The following UBE2L6 variants were observed in gnomAD, a reference collection of about 807,000 sequenced individuals.
UBE2L6 encodes ubiquitin conjugating enzyme E2 L6.
A neutral mutation model predicts 13.6 loss-of-function variants in UBE2L6; 11 were observed. The observed-to-expected ratio is 0.81, with a 90% confidence interval of 0.51 to 1.34. The LOEUF is 1.34. Ranked by LOEUF, UBE2L6 falls within the 40% of genes most tolerant of loss-of-function variation. The pLI, the probability that UBE2L6 is intolerant of heterozygous loss-of-function variation, is 0.00. For missense variants in UBE2L6, 197 were observed against 199.5 expected, an observed-to-expected ratio of 0.99 and a Z score of 0.07; for synonymous variants, 74 against 83.2, an observed-to-expected ratio of 0.89 and a Z score of 0.60.
intron 2 of UBE2L6, among the ~76,000 whole-genome samples, chr11:57,555,759 TG>T (rs1944992488): frequency 6.6e-6 from 1 of 152,172 alleles, no homozygotes; most frequent in African/African-American, 2.4e-5. Flanking sequence ...AAAATTTTTT[TG>T]ATAGGGTCTC....
Position 57,558,506 on chromosome 11 carries a change from C to G in UBE2L6, c.123+1831G>C, listed in dbSNP as rs540333258. ...AGTGACCCCAGACCAGTTACTTAAC[C>G]TCCTTGGTTTCCATCTCTGCAATTT... On this transcript the variant is annotated intron_variant, in intron 2 of 3. Coordinates refer to ENST00000287156, the MANE Select transcript of UBE2L6 (RefSeq NM_004223.5). Among the ~76,000 whole-genome samples, 27 of 152,306 alleles carry G rather than the reference C, an allele frequency of 1.8e-4. No homozygotes were observed. In the East Asian group the frequency reaches 5.2e-3, roughly 29 times the overall value.
chr11:57,552,214 C>T lies in UBE2L6; in HGVS notation c.*144G>A. On this transcript the variant is annotated 3_prime_UTR_variant, in exon 4 of 4. Transcript: ENST00000287156. ...ACACTCATAGCTCCCTTCCCTCCAC[C>T]ACACACACACACAAACTAATGACTA... The T allele has an allele frequency of 5.2e-6, 5 of 961,902 alleles. No homozygotes were observed. In the East Asian group the frequency reaches 8.6e-5, roughly 17 times the overall value. 59.6% of individuals were successfully genotyped at this position (961,902 alleles called of 1,614,324 possible).
chr11:57,566,529 G>C (rs569164329), intron 1 of UBE2L6, among the ~76,000 whole-genome samples: 1 of 152,044 alleles, frequency 6.6e-6, no homozygotes, highest in Non-Finnish European at 1.5e-5. Context: ...CATGTAAACC[G>C]TTTGGCATGT....
At position 57,551,982 on chromosome 11, in the gene UBE2L6, C is replaced by T. The variant is rs1432040976; in HGVS notation, c.*376G>A. 1 of 208,428 alleles carries T rather than the reference C, an allele frequency of 4.8e-6. No individual in the cohort carries two copies. Among genetic ancestry groups the T allele is most frequent in the Admixed American group, 5.4e-5 (1 of 18,422 alleles). 12.9% of individuals were successfully genotyped at this position (208,428 alleles called of 1,614,324 possible). A position where few individuals can be genotyped will look rare whatever the true frequency, so the allele number is the denominator to read the frequency against. On this transcript the variant is annotated 3_prime_UTR_variant, in exon 4 of 4. Coordinates refer to ENST00000287156, the MANE Select transcript of UBE2L6 (RefSeq NM_004223.5). ...CTCCACTGTCCCCAGGCCCTCAGTG[C>T]CTGAGCCCTAGGGGGATTCGAGTTG...
intron 2 of UBE2L6, among the ~76,000 whole-genome samples, chr11:57,556,592 CAAAAAAA>C (rs368936864): frequency 3.8e-4 from 28 of 73,690 alleles, no homozygotes; most frequent in East Asian, 1.2e-3. Flanking sequence ...AACTCCGTCT[CAAAAAAA>C]AAAAAAAAAA....
At chr11:57,562,631 G>C (rs1465497694) in intron 1 of UBE2L6, among the ~76,000 whole-genome samples, 1 of 152,224 alleles carries the variant, frequency 6.6e-6, no homozygotes, top group Non-Finnish European at 1.5e-5. Context: ...TCAGCACGGA[G>C]AGTAAGACTC....
At chr11:57,559,173 G>C (rs1391009166) in intron 2 of UBE2L6, among the ~76,000 whole-genome samples, 2 of 152,182 alleles carry the variant, frequency 1.3e-5, no homozygotes, top group Non-Finnish European at 2.9e-5. Context: ...CTCTAAGCCA[G>C]GTAAGTGGAT....
intron 1 of UBE2L6, chr11:57,567,308 GA>G: frequency 1.8e-6 from 1 of 561,344 alleles, no homozygotes; most frequent in Non-Finnish European, 3.2e-6. Flanking sequence ...TTTCAGGCAG[GA>G]AAAGCGAAAT....
rs939198981 is a variant in UBE2L6, at chr11:57,551,812, T to G, written c.*546A>C. The G allele has an allele frequency of 2.0e-5, 3 of 152,716 alleles. No homozygotes were observed. The highest frequency in any genetic ancestry group is 7.2e-5 in the African/African-American group (3 of 41,420). 9.5% of individuals were successfully genotyped at this position (152,716 alleles called of 1,614,324 possible). ...GGCAAGTGGTTTTGAAACATATAGA[T>G]TTTCAGGATGGAAGTTTGATTCTTC... On this transcript the variant is annotated 3_prime_UTR_variant, in exon 4 of 4. Coordinates refer to ENST00000287156, the MANE Select transcript of UBE2L6 (RefSeq NM_004223.5).
rs758054613 is a variant in UBE2L6 at position 57,567,576 on chromosome 11, C to G, written c.27+9G>C. 3 of 1,607,074 alleles carry G rather than the reference C, an allele frequency of 1.9e-6. No individual in the cohort carries two copies. On this transcript the variant is annotated intron_variant, in intron 1 of 3. Coordinates refer to ENST00000287156, the MANE Select transcript of UBE2L6 (RefSeq NM_004223.5). The stretch of plus-strand genomic sequence containing the variant: ...GCCAAGAGAAAGGGGTCATCCTATA[C>G]GCGGTTACCTTCACCACTCGCATGC...
At position 57,554,551 on chromosome 11, in the gene UBE2L6, G is replaced by A; in HGVS notation, c.196C>T (p.Pro66Ser). 6.2e-7 allele frequency: 1 copy of A among 1,613,418 alleles called. No individual in the cohort carries two copies. The highest frequency in any genetic ancestry group is 8.5e-7 in the Non-Finnish European group (1 of 1,179,836). The stretch of plus-strand genomic sequence containing the variant: ...ATCTTGGTTGTGAATTTGATCATGG[G>A]AGGCTTGAACGGATACTCCGGCGGG... ...SFPPEYPFKP[P>S]MIKFTTKIYH... Residue 66 changes from proline (P) to serine (S), a missense_variant, in exon 3 of 4, where the codon CCC becomes TCC. Coordinates refer to ENST00000287156, the MANE Select transcript of UBE2L6 (RefSeq NM_004223.5).
chr11:57,560,780 C>G (rs2135279209), intron 1 of UBE2L6, among the ~76,000 whole-genome samples: 1 of 152,092 alleles, frequency 6.6e-6, no homozygotes, highest in East Asian at 1.9e-4. Context: ...GCCACCACGC[C>G]CCGCTAATTT....
intron 1 of UBE2L6, among the ~76,000 whole-genome samples, chr11:57,562,047 A>T (rs1945051882): frequency 6.6e-6 from 1 of 152,212 alleles, no homozygotes; most frequent in Non-Finnish European, 1.5e-5. Context: ...GCTGATAAAC[A>T]TCCTAACAAA....
Position 57,552,353 on chromosome 11 carries a change from A to G in UBE2L6, c.*5T>C, listed in dbSNP as rs112583503. The G allele has an allele frequency of 1.6e-5, 26 of 1,614,120 alleles. No homozygotes were observed. Among genetic ancestry groups the G allele is most frequent in the African/African-American group, 1.2e-4 (9 of 75,050 alleles). ...GATCCAGTGCACAGAGGGTCAGAAC[A>G]TGAGTTAGGAGGGCCGGTCCACTCC... On this transcript the variant is annotated 3_prime_UTR_variant, in exon 4 of 4. Transcript: ENST00000287156.
At chr11:57,563,897 G>A (rs531280049) in intron 1 of UBE2L6, among the ~76,000 whole-genome samples, 52 of 152,114 alleles carry the variant, frequency 3.4e-4, no homozygotes, top group South Asian at 8.3e-4. Context: ...GCGAGACTCC[G>A]TCTCAAAAAT....
At chr11:57,556,375 G>A (rs1476521604) in intron 2 of UBE2L6, among the ~76,000 whole-genome samples, 4 of 151,980 alleles carry the variant, frequency 2.6e-5, no homozygotes, top group Non-Finnish European at 5.9e-5. Context: ...CCCTGAGGTC[G>A]GGAGTTCAAG....
chr11:57,567,830 G>T (rs1045608693), upstream of UBE2L6: 13 of 497,764 alleles, frequency 2.6e-5, no homozygotes, highest in Non-Finnish European at 2.8e-5. Context: ...CGCGCGGAAG[G>T]CTCGGACCCG....
intron 2 of UBE2L6, among the ~76,000 whole-genome samples, chr11:57,556,251 C>G (rs1944996382): frequency 6.6e-6 from 1 of 152,042 alleles, no homozygotes; most frequent in South Asian, 2.1e-4. Context: ...TTGGAGCCAC[C>G]CTGCCTGGGT....
chr11:57,567,508 G>C (rs377580064), intron 1 of UBE2L6, 77 bp downstream of exon 1: 61 of 1,568,654 alleles, frequency 3.9e-5, no homozygotes, highest in Admixed American at 5.7e-5. Context: ...TCGGAGAGCC[G>C]CGGAGGGGAT....
Sources: allele counts gnomAD v4.1 joint callset (sites outside exome capture counted in the v4.1 genomes callset), GRCh38; gene constraint gnomAD v4.1.1; transcripts MANE v1.5; gene names NCBI Gene and HGNC (gene_info 2026-07-23, HGNC 2026-07-21).